Variants in ZSCAN30 observed in about 807,000 individuals in gnomAD.
ZSCAN30 encodes the protein zinc finger and SCAN domain containing 30.
In ZSCAN30, 37 loss-of-function variants were observed where a neutral mutation model predicts 44.3. The observed-to-expected ratio is 0.84, with a 90% CI of 0.64 to 1.10. The LOEUF (loss-of-function observed/expected upper bound fraction) is 1.10, where lower values mean the gene tolerates loss of function less well. Ranked by LOEUF, ZSCAN30 falls within the 50% of genes least tolerant of loss-of-function variation. The probability of loss-of-function intolerance (pLI) is 0.00; values close to 1 mark genes in which losing one functional copy is unlikely to be tolerated. For synonymous variants in ZSCAN30, 181 were observed against 204.6 expected (o/e 0.88, Z 0.98); for missense variants, 549 against 582.6 (o/e 0.94, Z 0.59).
chr18:35,255,204 C>G (rs1480074211), intron 3 of ZSCAN30, among the ~76,000 whole-genome samples: 1 of 151,184 alleles, frequency 6.6e-6, no homozygotes, highest in Non-Finnish European at 1.5e-5. Flanking sequence ...TGCCCCATCT[C>G]TAGTAGTCTC....
At chr18:35,276,793 G>A (rs932025670) in intron 1 of ZSCAN30, among the ~76,000 whole-genome samples, 9 of 152,238 alleles carry the variant, frequency 5.9e-5, no homozygotes, top group African/African-American at 1.9e-4. Flanking sequence ...CCCACACAGA[G>A]TCCCCAACAG....
In ZSCAN30 at chr18:35,253,905, G is replaced by C; in HGVS notation, c.1030C>G (p.Leu344Val). 2 of 1,614,112 alleles carry C rather than the reference G, an allele frequency of 1.2e-6. No individual in the cohort carries two copies. Among genetic ancestry groups the C allele is most frequent in the Non-Finnish European group, 1.7e-6 (2 of 1,180,004 alleles). ...CTATGAATTCTCTGATGTCTAACAA[G>C]GTCTGAGCTCAAACTGAAGGCTTTG... ...CGKAFSLSSDLVRHQRIHSGE... is the reference protein window; with the variant it reads ...CGKAFSLSSDVVRHQRIHSGE... Residue 344 changes from leucine to valine, a missense_variant, in exon 4 of 4, where the codon CTT (leucine) becomes GTT (valine). Coordinates refer to ENST00000333206, the MANE Select transcript of ZSCAN30 (RefSeq NM_001112734.4).
At chr18:35,255,034 T>G (rs188070294) in intron 3 of ZSCAN30, 1 of 153,608 alleles carries the variant, frequency 6.5e-6, no homozygotes, top group African/African-American at 2.4e-5. Context: ...TTAAAAAAAA[T>G]TTTGCACTTA....
chr18:35,264,942 C>T (rs968896470), intron 1 of ZSCAN30, among the ~76,000 whole-genome samples: 2 of 152,038 alleles, frequency 1.3e-5, no homozygotes, highest in African/African-American at 4.8e-5. Flanking sequence ...GTCAGAAGAT[C>T]GAGACCATCC....
At chr18:35,272,424 T>G (rs2143741527) in intron 1 of ZSCAN30, among the ~76,000 whole-genome samples, 1 of 150,338 alleles carries the variant, frequency 6.7e-6, no homozygotes, top group Middle Eastern at 3.4e-3. Flanking sequence ...CTCGGCTCAC[T>G]GCAACCTCAG....
chr18:35,260,721 ATTTG>A (rs1395641273), intron 3 of ZSCAN30: 1 of 151,880 alleles, frequency 6.6e-6, no homozygotes, highest in Non-Finnish European at 1.5e-5. Context: ...TTTCTTGTAA[ATTTG>A]TTTAAGTTTC....
chr18:35,278,501 C>T (rs2044403293), intron 1 of ZSCAN30, among the ~76,000 whole-genome samples: 1 of 152,200 alleles, frequency 6.6e-6, no homozygotes, highest in African/African-American at 2.4e-5. Flanking sequence ...TGGATCCTTC[C>T]TGGATAACCC....
At chr18:35,255,634 T>C (rs76964413) in intron 3 of ZSCAN30, 4,968 of 154,398 alleles carry the variant, frequency 0.032, 274 homozygotes, top group African/African-American at 0.11. Flanking sequence ...TGCTTTTATA[T>C]AAAAATGAAT....
rs2143646044 is a variant in ZSCAN30, at chr18:35,253,747, C to G, written c.1188G>C (p.Arg396=). The G allele has an allele frequency of 6.2e-7, 1 of 1,613,840 alleles. No individual in the cohort carries two copies. The highest frequency in any genetic ancestry group is 2.2e-5 in the East Asian group (1 of 44,860). ...TCTTATGCTGAATAAGGGCTGAGCT[C>G]CGGCTGAAGGCCTTCCCACATTCTC... The part of the protein sequence containing the change: ...ECGECGKAFS[R]SSALIQHKKI... Residue 396 remains arginine (R), a synonymous_variant, in exon 4 of 4, where the codon CGG becomes CGC. Coordinates refer to ENST00000333206, the MANE Select transcript of ZSCAN30 (RefSeq NM_001112734.4).
intron 1 of ZSCAN30, among the ~76,000 whole-genome samples, chr18:35,265,711 G>C (rs2044135757): frequency 1.3e-5 from 2 of 152,218 alleles, no homozygotes; most frequent in African/African-American, 4.8e-5. Flanking sequence ...AAATACTTCA[G>C]CATTTACTCT....
In ZSCAN30 at chr18:35,254,491, A is replaced by T. The variant is rs561145342; in HGVS notation, c.554-110T>A. The T allele has an allele frequency of 1.3e-5, 21 of 1,558,884 alleles. No homozygotes were observed. The African/African-American group carries it at 2.2e-4, about 16-fold the overall frequency. ...ATAGGTATTTATTTATTAGGAGGAC[A>T]GTTCTCAAAACTAGATTCCCAATCT... On this transcript the variant is annotated intron_variant, in intron 3 of 3. Transcript: ENST00000333206.
At chr18:35,287,589 A>AAAC (rs1168330047) in intron 1 of ZSCAN30, among the ~76,000 whole-genome samples, 1 of 151,516 alleles carries the variant, frequency 6.6e-6, no homozygotes, top group African/African-American at 2.4e-5. Context: ...AAAAAAAAAA[A>AAAC]AAAAAATTAA....
chr18:35,254,402 T>G (rs1569061218), intron 3 of ZSCAN30, 21 bp from the exon 4 acceptor site: 1 of 1,613,970 alleles, frequency 6.2e-7, no homozygotes, highest in Non-Finnish European at 8.5e-7. Context: ...GAATAGAAAG[T>G]GTAAGTATCA....
At chr18:35,272,566 A>C (rs2044302937) in intron 1 of ZSCAN30, among the ~76,000 whole-genome samples, 1 of 151,562 alleles carries the variant, frequency 6.6e-6, no homozygotes, top group African/African-American at 2.4e-5. Context: ...GCTGTTCTCA[A>C]ACTCCTGACC....
At position 35,252,738 on chromosome 18, in the gene ZSCAN30, T is replaced by G. The variant is rs1254518580; in HGVS notation, c.*712A>C. 2.0e-5 allele frequency: 3 copies of G among 152,196 alleles called. No homozygotes were observed. The highest frequency in any genetic ancestry group is 7.2e-5 in the African/African-American group (3 of 41,438). The allele number at this position is 152,196 out of a possible 1,614,324, so 9.4% of individuals were successfully genotyped here. On this transcript the variant is annotated 3_prime_UTR_variant, in exon 4 of 4. Coordinates refer to ENST00000333206, the MANE Select transcript of ZSCAN30 (RefSeq NM_001112734.4). The stretch of plus-strand genomic sequence containing the variant: ...TCCTACCAAAGCACTTACCACACTT[T>G]ACTGTAATTACTGTTTAGTATATAT...
intron 1 of ZSCAN30, among the ~76,000 whole-genome samples, chr18:35,275,997 C>G (rs913132742): frequency 6.6e-6 from 1 of 152,162 alleles, no homozygotes; most frequent in African/African-American, 2.4e-5. Context: ...CAGATGGATT[C>G]CTGGGATAAA....
chr18:35,254,469 G>C (rs542856066), intron 3 of ZSCAN30, 88 bp from the exon 4 acceptor site: 2 of 1,596,612 alleles, frequency 1.3e-6, no homozygotes, highest in Non-Finnish European at 8.5e-7. Flanking sequence ...CAATGAAATA[G>C]GTATTTATTT....
chr18:35,282,993 C>T (rs2044486826), intron 1 of ZSCAN30: 1 of 152,126 alleles, frequency 6.6e-6, no homozygotes, highest in Non-Finnish European at 1.5e-5. Context: ...TGTACATATA[C>T]ATATATTCAA....
At chr18:35,289,932 G>C (rs1407241416) in intron 1 of ZSCAN30, 152 bp downstream of exon 1, 1 of 152,144 alleles carries the variant, frequency 6.6e-6, no homozygotes, top group African/African-American at 2.4e-5. Flanking sequence ...ATTCTGATGC[G>C]CGCTACTCTT....
Sources: allele counts gnomAD v4.1 joint callset (sites outside exome capture counted in the v4.1 genomes callset), GRCh38; gene constraint gnomAD v4.1.1; transcripts MANE v1.5; gene names NCBI Gene and HGNC (gene_info 2026-07-23, HGNC 2026-07-21).